TRAPPC8: variants seen among roughly 807,000 people sequenced by gnomAD.
TRAPPC8 encodes the protein general sporulation gene 1 homolog.
In TRAPPC8, 54 loss-of-function variants were observed where a neutral mutation model predicts 174.3. The ratio of observed to expected loss-of-function variants is 0.31; its 90% CI spans 0.25 to 0.39. The LOEUF is 0.39. Among genes scored for constraint, TRAPPC8 ranks in the 10% least tolerant of loss-of-function variants. The probability of loss-of-function intolerance (pLI) is 1.00; values close to 1 mark genes in which losing one functional copy is unlikely to be tolerated. For synonymous variants in TRAPPC8, 630 were observed against 579.9 expected, an observed-to-expected ratio of 1.09 and a Z score of -1.24; for missense variants, 1,531 against 1,699.1, an observed-to-expected ratio of 0.90 and a Z score of 1.74.
intron 25 of TRAPPC8, among the ~76,000 whole-genome samples, chr18:31,848,601 C>A (rs1166638918): frequency 6.6e-6 from 1 of 151,876 alleles, no homozygotes; most frequent in Non-Finnish European, 1.5e-5. Context: ...AGCTTGGTTT[C>A]AAAAAAATGT....
chr18:31,908,690 A>C, intron 7 of TRAPPC8, 64 bp downstream of exon 7: 1 of 1,412,306 alleles, frequency 7.1e-7, no homozygotes, highest in Non-Finnish European at 9.3e-7. Flanking sequence ...AATACGTTTA[A>C]TAATTCTTAA....
chr18:31,896,235 A>T (rs143508189), intron 11 of TRAPPC8: 1 of 152,194 alleles, frequency 6.6e-6, no homozygotes, highest in Non-Finnish European at 1.5e-5. Flanking sequence ...AAAAGGCCGC[A>T]GTCCCAAAGA....
At chr18:31,844,721 AAAAAAAAAAG>A (rs1269262670) in intron 26 of TRAPPC8, 2 of 151,522 alleles carry the variant, frequency 1.3e-5, no homozygotes, top group Admixed American at 6.6e-5. Context: ...GTCTCAAAAA[AAAAAAAAAAG>A]AAAAGAAAAG....
intron 18 of TRAPPC8, among the ~76,000 whole-genome samples, chr18:31,865,091 T>A (rs910863826): frequency 2.0e-5 from 3 of 152,082 alleles, no homozygotes; most frequent in African/African-American, 4.8e-5. Context: ...CCTGAGAGAA[T>A]AATTATCTTA....
intron 1 of TRAPPC8, among the ~76,000 whole-genome samples, chr18:31,933,256 G>A (rs1414477222): frequency 4.1e-5 from 6 of 147,144 alleles, no homozygotes; most frequent in African/African-American, 1.3e-4. Context: ...AGCTGAGATC[G>A]TGCCACTGCA....
At chr18:31,905,654 T>C (rs904907842) in intron 9 of TRAPPC8, among the ~76,000 whole-genome samples, 5 of 152,224 alleles carry the variant, frequency 3.3e-5, no homozygotes, top group Non-Finnish European at 7.4e-5. Context: ...GTTACAAAGA[T>C]GAATAGGTTT....
chr18:31,863,356 T>C (rs2034428270), intron 19 of TRAPPC8, among the ~76,000 whole-genome samples: 1 of 152,190 alleles, frequency 6.6e-6, no homozygotes, highest in South Asian at 2.1e-4. Flanking sequence ...CACCCAGTAA[T>C]TCCATTTTTA....
rs895767297 is a variant in TRAPPC8, at chr18:31,907,390, C to A, written c.1389+70G>T. The A allele has an allele frequency of 4.9e-6, 7 of 1,428,976 alleles. No individual in the cohort carries two copies. The African/African-American group carries it at 1.0e-4, about 21-fold the overall frequency. The allele number at this position is 1,428,976 out of a possible 1,614,324, so 88.5% of individuals were successfully genotyped here. ...ACTTTATCCCTAAGGATTCTGTTTG[C>A]CACCAAGAGAAATTTCTAAATAATT... On this transcript the variant is annotated intron_variant, in intron 9 of 28. Coordinates refer to ENST00000283351, the MANE Select transcript of TRAPPC8 (RefSeq NM_014939.5).
At chr18:31,893,838 ACG>A in intron 11 of TRAPPC8, among the ~76,000 whole-genome samples, 1 of 151,864 alleles carries the variant, frequency 6.6e-6, no homozygotes, top group African/African-American at 2.4e-5. Flanking sequence ...ATACACACAC[ACG>A]AAAAAATAAA....
intron 2 of TRAPPC8, among the ~76,000 whole-genome samples, chr18:31,928,819 G>A (rs114923215): frequency 0.013 from 1,913 of 152,206 alleles, 38 homozygotes; most frequent in African/African-American, 0.043. Context: ...TTTGTTGCAT[G>A]GCTAACAAAC....
At chr18:31,931,019 G>A (rs1413705606) in intron 2 of TRAPPC8, among the ~76,000 whole-genome samples, 2 of 152,022 alleles carry the variant, frequency 1.3e-5, no homozygotes, top group Non-Finnish European at 2.9e-5. Flanking sequence ...TTAACACCAA[G>A]CAAGATAAAA....
chr18:31,854,275 G>A (rs2033874831), intron 21 of TRAPPC8, among the ~76,000 whole-genome samples: 1 of 151,912 alleles, frequency 6.6e-6, no homozygotes, highest in South Asian at 2.1e-4. Flanking sequence ...TCAAAATTAT[G>A]GCATTTTCTT....
At position 31,892,233 on chromosome 18, in the gene TRAPPC8, AAT is replaced by A. The variant is rs534703787; in HGVS notation, c.1597-1369_1597-1368del. Among the ~76,000 whole-genome samples the A allele has an allele frequency of 1.5e-3, 223 of 152,350 alleles. 1 individual carries two copies. The highest frequency in any genetic ancestry group is 5.0e-3 in the African/African-American group (210 of 41,590). ...CCAGAGTAACTATTCTTTACAGCTT[AAT>A]AGTGTTGTGTCATGTCACCCCTCCT... On this transcript the variant is annotated intron_variant, in intron 11 of 28. Transcript: ENST00000283351.
intron 1 of TRAPPC8, among the ~76,000 whole-genome samples, chr18:31,934,426 T>C (rs778595771): frequency 1.3e-5 from 2 of 151,752 alleles, no homozygotes; most frequent in East Asian, 1.9e-4. Flanking sequence ...ATAACTGTTA[T>C]GTTTTCTAAC....
chr18:31,935,388 T>C (rs1246326855), intron 1 of TRAPPC8, among the ~76,000 whole-genome samples: 1 of 126,454 alleles, frequency 7.9e-6, no homozygotes, highest in African/African-American at 3.1e-5. Context: ...GCTTTATAAA[T>C]AAGTCTGCAA....
At chr18:31,881,501 G>A (rs1409475091) in intron 12 of TRAPPC8, among the ~76,000 whole-genome samples, 1 of 151,996 alleles carries the variant, frequency 6.6e-6, no homozygotes, top group Non-Finnish European at 1.5e-5. Context: ...ACTGGAGATG[G>A]ATTAAAGACT....
chr18:31,885,099 C>T (rs1323467889), intron 12 of TRAPPC8, among the ~76,000 whole-genome samples: 4 of 152,032 alleles, frequency 2.6e-5, no homozygotes, highest in South Asian at 2.1e-4. Flanking sequence ...CCTCGTGATC[C>T]GCCTGCGTCG....
chr18:31,920,855 C>A (rs1398597537), intron 2 of TRAPPC8, among the ~76,000 whole-genome samples: 1 of 150,344 alleles, frequency 6.7e-6, no homozygotes, highest in Non-Finnish European at 1.5e-5. Flanking sequence ...GCAGGACAAT[C>A]GCTTGAACCA....
chr18:31,859,293 A>G (rs1260581456), intron 19 of TRAPPC8, among the ~76,000 whole-genome samples: 1 of 152,200 alleles, frequency 6.6e-6, no homozygotes, highest in Non-Finnish European at 1.5e-5. Flanking sequence ...ATATTCTTAA[A>G]AAGAAAAAAA....
Sources: gnomAD v4.1 joint callset for allele counts (sites outside exome capture counted in the v4.1 genomes callset) on GRCh38, gnomAD v4.1.1 for gene constraint, MANE v1.5 for transcripts, NCBI Gene and HGNC (gene_info 2026-07-23, HGNC 2026-07-21) for gene names.